The following SKI variants were observed in gnomAD, a reference collection of about 807,000 sequenced individuals.
SKI encodes the protein ski oncogene.
In SKI, 23 loss-of-function variants were observed where a neutral mutation model predicts 59.3. The observed-to-expected ratio is 0.39, with a 90% confidence interval of 0.28 to 0.55. The LOEUF is 0.55. Among genes scored for constraint, SKI ranks in the 20% least tolerant of loss-of-function variants. The pLI, the probability that SKI is intolerant of heterozygous loss-of-function variation, is 0.67. For synonymous variants in SKI, 673 were observed against 488.6 expected (o/e 1.38, Z -4.98); for missense variants, 1,017 against 1,038.9 (o/e 0.98, Z 0.29).
rs977115551 is a variant in SKI, at chr1:2,259,271, A to G, written c.969+29536A>G. On this transcript the variant is annotated intron_variant, in intron 1 of 6. Coordinates refer to ENST00000378536, the MANE Select transcript of SKI (RefSeq NM_003036.4). ...AGGTGCGAGAGAGACCATGTGGCCTACAAACCCAAAATATGTGTGATTTGG... is the reference window on the plus strand; with the variant it reads ...AGGTGCGAGAGAGACCATGTGGCCTGCAAACCCAAAATATGTGTGATTTGG... Among the ~76,000 whole-genome samples, 4 of 152,250 alleles carry G rather than the reference A, an allele frequency of 2.6e-5. No individual in the cohort carries two copies. In the East Asian group the frequency reaches 5.8e-4, roughly 22 times the overall value.
At chr1:2,259,980 G>A (rs754375002) in intron 1 of SKI, among the ~76,000 whole-genome samples, 2 of 152,192 alleles carry the variant, frequency 1.3e-5, no homozygotes, top group Admixed American at 6.5e-5. Flanking sequence ...GAACATTCGG[G>A]TACAAGTTGT....
chr1:2,277,563 G>GT (rs1343617389), intron 1 of SKI, among the ~76,000 whole-genome samples: 2 of 152,212 alleles, frequency 1.3e-5, no homozygotes, highest in African/African-American at 2.4e-5. Context: ...ATGTGGAACT[G>GT]TAAGTCCAAT....
intron 1 of SKI, among the ~76,000 whole-genome samples, chr1:2,291,817 G>A (rs1450570883): frequency 6.6e-6 from 1 of 152,210 alleles, no homozygotes; most frequent in African/African-American, 2.4e-5. Flanking sequence ...CATCAACAGC[G>A]CTAAAGTAAC....
intron 1 of SKI, among the ~76,000 whole-genome samples, chr1:2,244,872 G>A (rs1021441843): frequency 3.9e-4 from 59 of 152,278 alleles, no homozygotes; most frequent in Non-Finnish European, 7.9e-4. Flanking sequence ...AACAGGAGTG[G>A]CTCCATTTGT....
At position 2,265,658 on chromosome 1, in the gene SKI, C is replaced by T. The variant is rs1639487374; in HGVS notation, c.969+35923C>T. Among the ~76,000 whole-genome samples, 6 of 152,190 alleles carry T rather than the reference C, an allele frequency of 3.9e-5. No individual in the cohort carries two copies. In the South Asian group the frequency reaches 1.2e-3, roughly 32 times the overall value. On this transcript the variant is annotated intron_variant, in intron 1 of 6. Transcript: ENST00000378536. ...GTTTTGAAATGTGCCTGTTTGGGTG[C>T]TGAATGTTTTTGTATTCCTATAAAT...
chr1:2,248,914 C>T (rs960103036), intron 1 of SKI, among the ~76,000 whole-genome samples: 1 of 152,238 alleles, frequency 6.6e-6, no homozygotes, highest in Non-Finnish European at 1.5e-5. Context: ...TGGCCCCTCT[C>T]CTGTTTGGAA....
intron 1 of SKI, chr1:2,240,722 C>T (rs1019583603): frequency 1.1e-5 from 11 of 985,302 alleles, no homozygotes; most frequent in Non-Finnish European, 1.2e-5. Flanking sequence ...TCCAGGAGAG[C>T]GGTGGCGCAG....
intron 1 of SKI, among the ~76,000 whole-genome samples, chr1:2,248,579 G>C (rs1639048399): frequency 6.6e-6 from 1 of 152,146 alleles, no homozygotes; most frequent in Non-Finnish European, 1.5e-5. Context: ...GGCAGCCTTT[G>C]ACCTGAGGCG....
At chr1:2,234,372 G>T (rs535584764) in intron 1 of SKI, among the ~76,000 whole-genome samples, 19 of 152,198 alleles carry the variant, frequency 1.2e-4, no homozygotes, top group Non-Finnish European at 2.1e-4. Context: ...CGCCTTCTGG[G>T]GCAGCAGGGT....
At chr1:2,239,826 G>A (rs1203647700) in intron 1 of SKI, among the ~76,000 whole-genome samples, 2 of 152,224 alleles carry the variant, frequency 1.3e-5, no homozygotes, top group Non-Finnish European at 2.9e-5. Flanking sequence ...GGGCGTCCCA[G>A]TGTGCCTGGG....
At chr1:2,305,532 G>C (rs1640549570) in intron 5 of SKI, among the ~76,000 whole-genome samples, 1 of 152,232 alleles carries the variant, frequency 6.6e-6, no homozygotes, top group Admixed American at 6.5e-5. Flanking sequence ...TTCATGTGGT[G>C]TGTTTGCAGC....
At position 2,228,780 on chromosome 1, in the gene SKI, C is replaced by T. The variant is rs1274466498; in HGVS notation, c.14C>T (p.Ala5Val). MEAAAGGRGCFQPHP... is the reference protein window; with the variant it reads MEAAVGGRGCFQPHP... ...CCGGAGCGCACCATGGAGGCGGCGG[C>T]AGGCGGCCGCGGCTGTTTCCAGCCG... is the stretch of plus-strand genomic sequence containing the variant. Residue 5 changes from alanine to valine, a missense_variant, in exon 1 of 7, where the codon GCA becomes GTA. Ala to Val is a moderately conservative substitution (Grantham distance 64, BLOSUM62 0). Transcript: ENST00000378536. 1 of 1,291,456 alleles carries T rather than the reference C, an allele frequency of 7.7e-7. No individual in the cohort carries two copies. The highest frequency in any genetic ancestry group is 1.7e-5 in the South Asian group (1 of 59,970). The allele number at this position is 1,291,456 out of a possible 1,614,324, so 80.0% of individuals were successfully genotyped here. A position where few individuals can be genotyped will look rare whatever the true frequency, so the allele number is the denominator to read the frequency against.
intron 5 of SKI, among the ~76,000 whole-genome samples, chr1:2,305,402 G>C (rs1287486841): frequency 6.6e-6 from 1 of 152,170 alleles, no homozygotes; most frequent in Non-Finnish European, 1.5e-5. Flanking sequence ...AACCCCGTCG[G>C]CCCTCAGAGC....
intron 1 of SKI, among the ~76,000 whole-genome samples, chr1:2,297,737 C>T (rs930930844): frequency 1.3e-5 from 2 of 152,270 alleles, no homozygotes; most frequent in South Asian, 2.1e-4. Context: ...CCGCACATTT[C>T]CCTCCAGTTC....
chr1:2,259,209 T>C (rs1271068957), intron 1 of SKI, among the ~76,000 whole-genome samples: 1 of 152,228 alleles, frequency 6.6e-6, no homozygotes, highest in Non-Finnish European at 1.5e-5. Context: ...GCCGGTGCTG[T>C]CTGTGGCTGT....
intron 1 of SKI, among the ~76,000 whole-genome samples, chr1:2,242,340 T>A (rs1017638022): frequency 6.6e-6 from 1 of 152,046 alleles, no homozygotes; most frequent in Non-Finnish European, 1.5e-5. Context: ...TCTTGGTGGG[T>A]TGGGGGAGAA....
In SKI at chr1:2,303,463, G is replaced by T. The variant is rs1349906597; in HGVS notation, c.1211+63G>T. ...GGGAGGCTCCACGAGGGCTGTGCATGCGGACGCGCCCATGTTTCTGCAGGC... is the reference window on the plus strand; with the variant it reads ...GGGAGGCTCCACGAGGGCTGTGCATTCGGACGCGCCCATGTTTCTGCAGGC... On this transcript the variant is annotated intron_variant, in intron 3 of 6. Transcript: ENST00000378536. The surrounding 1 kb of genome is among the most constrained non-coding windows in gnomAD (Gnocchi z 5.6). 2 of 1,435,094 alleles carry T rather than the reference G, an allele frequency of 1.4e-6. No homozygotes were observed. Among genetic ancestry groups the T allele is most frequent in the Non-Finnish European group, 1.9e-6 (2 of 1,027,366 alleles). 88.9% of individuals were successfully genotyped at this position (1,435,094 alleles called of 1,614,324 possible).
At chr1:2,272,895 G>A (rs116335974) in intron 1 of SKI, among the ~76,000 whole-genome samples, 294 of 152,140 alleles carry the variant, frequency 1.9e-3, no homozygotes, top group African/African-American at 6.3e-3. Context: ...GCTCGCTGGC[G>A]TCTGTGCTTC....
At chr1:2,233,087 C>T (rs757966400) in intron 1 of SKI, among the ~76,000 whole-genome samples, 3 of 152,174 alleles carry the variant, frequency 2.0e-5, no homozygotes, top group Non-Finnish European at 4.4e-5. Flanking sequence ...GGGACGCGGC[C>T]CCTTGTCCCG....
Sources: allele counts gnomAD v4.1 joint callset (sites outside exome capture counted in the v4.1 genomes callset), GRCh38; gene constraint gnomAD v4.1.1; non-coding constraint Gnocchi (gnomAD v3.1); transcripts MANE v1.5; gene names NCBI Gene and HGNC (gene_info 2026-07-23, HGNC 2026-07-21).